CDC14B: variants seen among roughly 807,000 people sequenced by gnomAD.
CDC14B encodes cell division cycle 14B.
CDC14B carries 22 observed loss-of-function variants against 64.2 expected under a neutral mutation model. That is an observed-to-expected ratio of 0.34 (90% CI 0.24 to 0.49). The LOEUF (loss-of-function observed/expected upper bound fraction) is 0.49, where lower values mean the gene tolerates loss of function less well. Ranked by LOEUF, CDC14B falls within the 20% of genes least tolerant of loss-of-function variation. CDC14B has a pLI of 0.99. For missense variants in CDC14B, 498 were observed against 629.9 expected (o/e 0.79, Z 2.24); for synonymous variants, 191 against 215.8 (o/e 0.89, Z 1.01).
chr9:96,618,950 G>C (rs1253585575), intron 1 of CDC14B, among the ~76,000 whole-genome samples: 1 of 152,186 alleles, frequency 6.6e-6, no homozygotes, highest in Non-Finnish European at 1.5e-5. Flanking sequence ...ACTTAGAAAG[G>C]TGACCCTCGG....
chr9:96,562,344 G>A (rs539849800), intron 4 of CDC14B, among the ~76,000 whole-genome samples: 1 of 152,300 alleles, frequency 6.6e-6, no homozygotes, highest in Admixed American at 6.5e-5. Context: ...TCACTAAATG[G>A]ATCACGAGTG....
In CDC14B at chr9:96,507,733, C is replaced by T. The variant is rs147568756; in HGVS notation, c.1460+1940G>A. ...CCAGCCTGAATTTTTAATAGCTTGGCTCACCAAAAAGTGTCAGTTAAAACA... is the reference window on the plus strand; with the variant it reads ...CCAGCCTGAATTTTTAATAGCTTGGTTCACCAAAAAGTGTCAGTTAAAACA... On this transcript the variant is annotated intron_variant, in intron 13 of 13. Transcript: ENST00000375241. 7.9e-5 allele frequency among the ~76,000 whole-genome samples: 12 copies of T among 151,986 alleles called. No individual in the cohort carries two copies. In the East Asian group the frequency reaches 2.1e-3, roughly 27 times the overall value.
At position 96,617,616 on chromosome 9, in the gene CDC14B, C is replaced by A. The variant is rs554794410; in HGVS notation, c.160+1603G>T. On this transcript the variant is annotated intron_variant, in intron 1 of 13. Coordinates refer to ENST00000375241, the MANE Select transcript of CDC14B (RefSeq NM_033331.4). ...CAAAACAACATGTGTGCTACTCGCA[C>A]GTGTATGGTAGAGAATATATAGTAT... Among the ~76,000 whole-genome samples, 10 of 152,146 alleles carry A rather than the reference C, an allele frequency of 6.6e-5. No homozygotes were observed. In the South Asian group the frequency reaches 2.1e-3, roughly 32 times the overall value.
At chr9:96,512,365 T>C (rs1009281570) in intron 12 of CDC14B, among the ~76,000 whole-genome samples, 5 of 151,244 alleles carry the variant, frequency 3.3e-5, no homozygotes, top group Non-Finnish European at 5.9e-5. Flanking sequence ...TCTCACTCTG[T>C]TGCCCAGGCT....
intron 10 of CDC14B, 49 bp from the exon 11 acceptor site, chr9:96,523,469 G>A: frequency 1.2e-6 from 2 of 1,603,004 alleles, no homozygotes; most frequent in Non-Finnish European, 1.7e-6. Context: ...AAAGATACAT[G>A]AACAACTTCT....
chr9:96,513,514 C>G (rs575835434), intron 12 of CDC14B, among the ~76,000 whole-genome samples: 1 of 152,242 alleles, frequency 6.6e-6, no homozygotes, highest in South Asian at 2.1e-4. Context: ...CTCCATCCTA[C>G]CTACCTCTTG....
At chr9:96,600,298 T>C (rs1846350048) in intron 1 of CDC14B, among the ~76,000 whole-genome samples, 1 of 151,162 alleles carries the variant, frequency 6.6e-6, no homozygotes, top group Non-Finnish European at 1.5e-5. Flanking sequence ...TGGAGGGAAA[T>C]GAGAAATTAA....
rs1480357477 is a variant in CDC14B at position 96,515,682 on chromosome 9, T to A, written c.1344-5893A>T. ...TCTGTCAGGGGGTCCTGATGGCTAC[T>A]GTGTTCTGAAACCATCGAGACAGAA... On this transcript the variant is annotated intron_variant, in intron 12 of 13. Coordinates refer to ENST00000375241, the MANE Select transcript of CDC14B (RefSeq NM_033331.4). This position sits in a 1 kb window ranked among gnomAD's most constrained non-coding sequence, Gnocchi z 4.3. 12 of 1,595,898 alleles carry A rather than the reference T, an allele frequency of 7.5e-6. No homozygotes were observed. The highest frequency in any genetic ancestry group is 1.0e-5 in the Non-Finnish European group (12 of 1,171,682).
At chr9:96,536,812 C>T (rs766604951) in intron 7 of CDC14B, among the ~76,000 whole-genome samples, 6 of 152,190 alleles carry the variant, frequency 3.9e-5, no homozygotes, top group Non-Finnish European at 7.3e-5. Flanking sequence ...AGACAGGAGG[C>T]TACAACTACT....
intron 1 of CDC14B, 72 bp downstream of exon 1, chr9:96,619,147 T>C: frequency 5.1e-6 from 6 of 1,167,004 alleles, no homozygotes; most frequent in Non-Finnish European, 6.4e-6. Flanking sequence ...GGCAGCCCGG[T>C]GGGAGGTGGG....
intron 1 of CDC14B, chr9:96,566,931 G>GGCAGCGGGC (rs1279140235): frequency 6.6e-6 from 10 of 1,514,636 alleles, no homozygotes; most frequent in African/African-American, 2.8e-5. Context: ...GGCCGCGCGG[G>GGCAGCGGGC]GCAGCGGGCG....
intron 1 of CDC14B, among the ~76,000 whole-genome samples, chr9:96,616,640 C>T (rs1417512999): frequency 6.6e-6 from 1 of 151,824 alleles, no homozygotes; most frequent in Non-Finnish European, 1.5e-5. Flanking sequence ...AGGAGAATCC[C>T]TTGAACCCGG....
chr9:96,491,801 T>C (rs1587693672), exon 14 of CDC14B: 1 of 152,248 alleles, frequency 6.6e-6, no homozygotes, highest in Admixed American at 6.5e-5. Context: ...AGTCATGTGG[T>C]TGAAGACAGT....
chr9:96,587,825 T>C (rs1845546560), intron 1 of CDC14B, among the ~76,000 whole-genome samples: 1 of 152,094 alleles, frequency 6.6e-6, no homozygotes. Context: ...GGAGCACATA[T>C]ATCAACAAGT....
chr9:96,514,953 G>A (rs1002195604), intron 12 of CDC14B: 1 of 984,526 alleles, frequency 1.0e-6, no homozygotes, highest in Non-Finnish European at 1.2e-6. Flanking sequence ...GCTATGTCTG[G>A]GCAAGGAGAA....
chr9:96,565,745 A>G (rs1843819286), intron 1 of CDC14B, among the ~76,000 whole-genome samples: 1 of 152,244 alleles, frequency 6.6e-6, no homozygotes, highest in Non-Finnish European at 1.5e-5. Flanking sequence ...ACTTCTAAAC[A>G]AACCTATTTT....
chr9:96,518,943 T>C (rs1398194923), intron 12 of CDC14B, among the ~76,000 whole-genome samples: 2 of 152,056 alleles, frequency 1.3e-5, no homozygotes, highest in Non-Finnish European at 1.5e-5. Context: ...GAGACCATCC[T>C]GGCTAACACA....
intron 1 of CDC14B, among the ~76,000 whole-genome samples, chr9:96,609,345 GA>G (rs1419092621): frequency 1.3e-5 from 2 of 152,156 alleles, no homozygotes; most frequent in Admixed American, 1.3e-4. Context: ...TTTAAATGAT[GA>G]AAAGAGCAAA....
chr9:96,577,853 T>G (rs1844903652), intron 1 of CDC14B, among the ~76,000 whole-genome samples: 1 of 152,232 alleles, frequency 6.6e-6, no homozygotes, highest in Non-Finnish European at 1.5e-5. Context: ...GAATCATTAT[T>G]TATAATAGGC....
Sources: allele counts gnomAD v4.1 joint callset (sites outside exome capture counted in the v4.1 genomes callset), GRCh38; gene constraint gnomAD v4.1.1; non-coding constraint Gnocchi (gnomAD v3.1); transcripts MANE v1.5; gene names NCBI Gene and HGNC (gene_info 2026-07-23, HGNC 2026-07-21).